The following GNG4 variants were observed in gnomAD, a reference collection of about 807,000 sequenced individuals.
GNG4 encodes G protein subunit gamma 4.
In GNG4, 4 loss-of-function variants were observed where a neutral mutation model predicts 5.8. That is an observed-to-expected ratio of 0.69 (90% confidence interval 0.34 to 1.57). The LOEUF (loss-of-function observed/expected upper bound fraction) is 1.57, where lower values mean the gene tolerates loss of function less well. Ranked by LOEUF, GNG4 falls within the 40% of genes most tolerant of loss-of-function variation. The pLI is 0.06. For synonymous variants in GNG4, 29 were observed against 32.9 expected, an observed-to-expected ratio of 0.88 and a Z score of 0.41; for missense variants, 96 against 95.1, an observed-to-expected ratio of 1.01 and a Z score of -0.04.
intron 2 of GNG4, among the ~76,000 whole-genome samples, chr1:235,586,652 T>C (rs1017776019): frequency 3.9e-5 from 6 of 152,156 alleles, no homozygotes; most frequent in Admixed American, 3.3e-4. Context: ...CACTCTGAGT[T>C]CATCCAAGAC....
At chr1:235,583,245 G>C (rs933498568) in intron 3 of GNG4, among the ~76,000 whole-genome samples, 1 of 152,192 alleles carries the variant, frequency 6.6e-6, no homozygotes, top group African/African-American at 2.4e-5. Flanking sequence ...CCAGCGTGGA[G>C]AGACCTGCAC....
intron 1 of GNG4, among the ~76,000 whole-genome samples, chr1:235,597,240 T>C (rs1688143726): frequency 1.3e-5 from 2 of 152,230 alleles, no homozygotes; most frequent in African/African-American, 4.8e-5. Context: ...GGAGCAAAGC[T>C]AAAAGCCCGA....
intron 1 of GNG4, among the ~76,000 whole-genome samples, chr1:235,620,882 C>A (rs1688697253): frequency 6.6e-6 from 1 of 152,180 alleles, no homozygotes; most frequent in Non-Finnish European, 1.5e-5. Flanking sequence ...TAAGGAATAG[C>A]CAGTTGTTCT....
intron 1 of GNG4, among the ~76,000 whole-genome samples, chr1:235,621,682 C>CTTT (rs34702099): frequency 6.9e-6 from 1 of 144,600 alleles, no homozygotes; most frequent in Non-Finnish European, 1.5e-5. Flanking sequence ...GTATTTTACC[C>CTTT]TTTTTTTTTT....
intron 1 of GNG4, among the ~76,000 whole-genome samples, chr1:235,631,473 T>C (rs1362186890): frequency 1.3e-5 from 2 of 152,230 alleles, no homozygotes; most frequent in Admixed American, 6.5e-5. Context: ...CTGGTGGGCA[T>C]TGATGCTCTG....
intron 3 of GNG4, among the ~76,000 whole-genome samples, chr1:235,555,080 C>T (rs1332064602): frequency 2.0e-5 from 3 of 152,174 alleles, no homozygotes; most frequent in African/African-American, 7.2e-5. Flanking sequence ...TAGAAGATCT[C>T]ACTGTGATCT....
chr1:235,568,326 G>A (rs567620150), intron 3 of GNG4, among the ~76,000 whole-genome samples: 1 of 152,138 alleles, frequency 6.6e-6, no homozygotes, highest in African/African-American at 2.4e-5. Flanking sequence ...GACTCAGATT[G>A]TGTGTGGATC....
chr1:235,559,673 G>A (rs977419561), intron 3 of GNG4, among the ~76,000 whole-genome samples: 2 of 152,188 alleles, frequency 1.3e-5, no homozygotes, highest in African/African-American at 4.8e-5. Context: ...TATACCTGAA[G>A]GTGGAAACCA....
intron 1 of GNG4, among the ~76,000 whole-genome samples, chr1:235,610,978 C>T (rs1002513940): frequency 1.3e-4 from 20 of 152,260 alleles, no homozygotes; most frequent in Admixed American, 5.9e-4. Flanking sequence ...GTCCCAGCTA[C>T]GCAGGAGGCT....
intron 3 of GNG4, among the ~76,000 whole-genome samples, chr1:235,577,312 T>C (rs1391368187): frequency 1.3e-5 from 2 of 152,290 alleles, no homozygotes; most frequent in African/African-American, 4.8e-5. Flanking sequence ...ATTCCTACCA[T>C]GGACCCTCCA....
chr1:235,603,504 G>A (rs1230214262), intron 1 of GNG4, among the ~76,000 whole-genome samples: 2 of 151,534 alleles, frequency 1.3e-5, no homozygotes, highest in East Asian at 3.9e-4. Context: ...AGACACCCAG[G>A]GCTCTACGTT....
At chr1:235,597,855 T>C (rs1688162449) in intron 1 of GNG4, among the ~76,000 whole-genome samples, 1 of 152,076 alleles carries the variant, frequency 6.6e-6, no homozygotes, top group Non-Finnish European at 1.5e-5. Context: ...CTTGAACTCC[T>C]GACCTCAGGT....
intron 2 of GNG4, among the ~76,000 whole-genome samples, chr1:235,586,063 T>C (rs1343582622): frequency 6.6e-6 from 1 of 152,214 alleles, no homozygotes; most frequent in Non-Finnish European, 1.5e-5. Flanking sequence ...CAGAAAGGCA[T>C]AATGGCAACT....
chr1:235,600,981 G>A (rs1395695752), intron 1 of GNG4, among the ~76,000 whole-genome samples: 1 of 152,206 alleles, frequency 6.6e-6, no homozygotes, highest in Admixed American at 6.5e-5. Flanking sequence ...TGACTCTGGT[G>A]TGCATGAAAG....
At chr1:235,627,496 C>T (rs1365833927) in intron 1 of GNG4, among the ~76,000 whole-genome samples, 2 of 152,174 alleles carry the variant, frequency 1.3e-5, no homozygotes, top group Admixed American at 1.3e-4. Flanking sequence ...GCTGGGATTA[C>T]AGGCATGAGC....
At chr1:235,626,982 AAAAAAAAAAAAAAAAAAG>A (rs1438021130) in intron 1 of GNG4, among the ~76,000 whole-genome samples, 1 of 66,218 alleles carries the variant, frequency 1.5e-5, no homozygotes, top group Non-Finnish European at 3.9e-5. Context: ...AAAAAAAAAA[AAAAAAAAAAAAAAAAAAG>A]AACTTAGAAC....
Position 235,606,691 on chromosome 1 carries a change from G to C in GNG4, c.-122-11180C>G, listed in dbSNP as rs6694977. ...CACATGGCCAGCAGACAGGAGGACT[G>C]ATAGAGATGGAATTCACAGGGAGTT... On this transcript the variant is annotated intron_variant, in intron 1 of 3. Transcript: ENST00000391854. 4.1e-3 allele frequency among the ~76,000 whole-genome samples: 622 copies of C among 152,296 alleles called. 5 individuals carry two copies. The highest frequency in any genetic ancestry group is 0.014 in the African/African-American group (567 of 41,558).
At chr1:235,621,292 C>CT (rs1688706074) in intron 1 of GNG4, among the ~76,000 whole-genome samples, 2 of 78,250 alleles carry the variant, frequency 2.6e-5, no homozygotes, top group South Asian at 3.8e-4. Flanking sequence ...TTTTTCTTTT[C>CT]TTTTCTTTTT....
At chr1:235,557,021 G>A (rs151015703) in intron 3 of GNG4, among the ~76,000 whole-genome samples, 1 of 152,202 alleles carries the variant, frequency 6.6e-6, no homozygotes, top group East Asian at 1.9e-4. Context: ...GCAACCAATG[G>A]GGAGCACCTG....
Sources: allele counts gnomAD v4.1 joint callset (sites outside exome capture counted in the v4.1 genomes callset), GRCh38; gene constraint gnomAD v4.1.1; transcripts MANE v1.5; gene names NCBI Gene and HGNC (gene_info 2026-07-23, HGNC 2026-07-21).